Variants in CDK5RAP2 observed in about 807,000 individuals in gnomAD.
CDK5RAP2 encodes the protein CDK5 regulatory subunit-associated protein 2.
CDK5RAP2 carries 147 observed loss-of-function variants against 232.9 expected under a neutral mutation model. That is an observed-to-expected ratio of 0.63 (90% CI 0.55 to 0.72). The LOEUF (loss-of-function observed/expected upper bound fraction) is 0.72, where lower values mean the gene tolerates loss of function less well. CDK5RAP2 is among the 30% of genes least tolerant of loss of function. The pLI, the probability that CDK5RAP2 is intolerant of heterozygous loss-of-function variation, is 0.00. For synonymous variants in CDK5RAP2, 833 were observed against 833.7 expected, an observed-to-expected ratio of 1.00 and a Z score of 0.01; for missense variants, 2,195 against 2,231.5, an observed-to-expected ratio of 0.98 and a Z score of 0.33.
chr9:120,391,892 T>G (rs957481784), intron 36 of CDK5RAP2, among the ~76,000 whole-genome samples: 4 of 152,202 alleles, frequency 2.6e-5, no homozygotes, highest in African/African-American at 9.6e-5. Flanking sequence ...TGGGATGAGC[T>G]GCAGAGCCTG....
rs537972003 is a variant in CDK5RAP2 at position 120,403,313 on chromosome 9, C to T, written c.5042-242G>A. On this transcript the variant is annotated intron_variant, in intron 33 of 37. Coordinates refer to ENST00000349780, the MANE Select transcript of CDK5RAP2 (RefSeq NM_018249.6). The surrounding 1 kb of genome is among the most constrained non-coding windows in gnomAD (Gnocchi z 4.2). ...ACTCAACCAACACTTATCAACCACC[C>T]ACTCGGCAGAAGACCCCAGATTCAC... 1.9e-6 allele frequency: 1 copy of T among 523,988 alleles called. No homozygotes were observed. The highest frequency in any genetic ancestry group is 3.4e-5 in the East Asian group (1 of 29,034). 32.5% of individuals were successfully genotyped at this position (523,988 alleles called of 1,614,324 possible).
chr9:120,401,527 G>T lies in CDK5RAP2; in HGVS notation c.5308-642C>A, dbSNP rs77329173. 5.4e-3 allele frequency among the ~76,000 whole-genome samples: 779 copies of T among 145,184 alleles called. 12 individuals are homozygous for T. The highest frequency in any genetic ancestry group is 0.019 in the African/African-American group (748 of 39,144). ...CTCAGGAAGCTGGGATGGGAGGATT[G>T]CTTAAGTCCAGGAGGTCAAGGCTGC... On this transcript the variant is annotated intron_variant, in intron 34 of 37. Transcript: ENST00000349780.
chr9:120,396,915 C>G (rs780364003), intron 35 of CDK5RAP2, among the ~76,000 whole-genome samples: 2 of 152,230 alleles, frequency 1.3e-5, no homozygotes, highest in Non-Finnish European at 2.9e-5. Flanking sequence ...AGCTATATGA[C>G]GCTGAAGCAA....
chr9:120,520,633 ACT>A (rs2040575871), intron 11 of CDK5RAP2, among the ~76,000 whole-genome samples: 1 of 151,524 alleles, frequency 6.6e-6, no homozygotes, highest in East Asian at 2.1e-4. Context: ...ACAGAGCAAG[ACT>A]CTGTCTCAAA....
chr9:120,403,446 A>C lies in CDK5RAP2; in HGVS notation c.5042-375T>G. On this transcript the variant is annotated intron_variant, in intron 33 of 37. Transcript: ENST00000349780. This position sits in a 1 kb window ranked among gnomAD's most constrained non-coding sequence, Gnocchi z 4.2. ...AGTGATGAAGGGCCAGAGCCAGAAAAAACAATTATCTGTGCAGGGAGGGAG... is the reference window on the plus strand; with the variant it reads ...AGTGATGAAGGGCCAGAGCCAGAAACAACAATTATCTGTGCAGGGAGGGAG... 1 of 312,178 alleles carries C rather than the reference A, an allele frequency of 3.2e-6. No individual in the cohort carries two copies. Among genetic ancestry groups the C allele is most frequent in the Non-Finnish European group, 6.1e-6 (1 of 164,678 alleles). The allele number at this position is 312,178 out of a possible 1,614,324, so 19.3% of individuals were successfully genotyped here. A position where few individuals can be genotyped will look rare whatever the true frequency, so the allele number is the denominator to read the frequency against.
chr9:120,409,599 G>A (rs183647352), intron 29 of CDK5RAP2, among the ~76,000 whole-genome samples: 54 of 152,382 alleles, frequency 3.5e-4, no homozygotes, highest in African/African-American at 1.3e-3. Flanking sequence ...CAGTGGGTAG[G>A]AAGTACAGAG....
intron 21 of CDK5RAP2, 102 bp downstream of exon 21, chr9:120,453,354 T>A: frequency 9.1e-7 from 1 of 1,102,888 alleles, no homozygotes; most frequent in South Asian, 1.5e-5. Context: ...CACTGGACAT[T>A]CTTGTCATAT....
At chr9:120,518,225 G>C (rs924706850) in intron 12 of CDK5RAP2, among the ~76,000 whole-genome samples, 9 of 149,108 alleles carry the variant, frequency 6.0e-5, no homozygotes, top group East Asian at 3.9e-4. Context: ...GAGAGAGAGA[G>C]AGAGAGAGAG....
At chr9:120,460,720 T>C in intron 18 of CDK5RAP2, 53 bp from the exon 19 acceptor site, 1 of 1,611,154 alleles carries the variant, frequency 6.2e-7, no homozygotes, top group Non-Finnish European at 8.5e-7. Flanking sequence ...GTGTGCAGCA[T>C]GAATATGTAT....
At chr9:120,529,483 A>G (rs990907505) in intron 8 of CDK5RAP2, among the ~76,000 whole-genome samples, 3 of 152,198 alleles carry the variant, frequency 2.0e-5, no homozygotes, top group Non-Finnish European at 4.4e-5. Flanking sequence ...CAAGGAGACC[A>G]TGAGCTCTAC....
At chr9:120,576,098 CCA>C (rs1354572310) in intron 1 of CDK5RAP2, among the ~76,000 whole-genome samples, 2 of 152,210 alleles carry the variant, frequency 1.3e-5, no homozygotes, top group East Asian at 1.9e-4. Flanking sequence ...TACCAACGGG[CCA>C]CAGTCTGAAA....
rs369620857 is a variant in CDK5RAP2 at position 120,409,178 on chromosome 9, T to C, written c.4553A>G (p.His1518Arg). Residue 1518 changes from histidine to arginine, a missense_variant, in exon 30 of 38, where the codon CAC becomes CGC. Coordinates refer to ENST00000349780, the MANE Select transcript of CDK5RAP2 (RefSeq NM_018249.6). ...GACCTCCTGGATCAGCTGCTGGTTG[T>C]GTCTCTCCTTCTCGCTGCCTTCTTT... ...LQKEGSEKER[H>R]NQQLIQEVRC... is the part of the protein sequence containing the mutation. 1.9e-6 allele frequency: 3 copies of C among 1,613,466 alleles called. No individual in the cohort carries two copies. Among genetic ancestry groups the C allele is most frequent in the Non-Finnish European group, 2.5e-6 (3 of 1,180,044 alleles).
Position 120,453,371 on chromosome 9 carries a change from GA to G in CDK5RAP2, c.2793+84del. Reference sequence around the variant, plus strand: ...CTGGACATTCTTGTCATATAAATGGGAAAAAAGTGGTGAGATTAAAGGTGAT... The same window carrying G: ...CTGGACATTCTTGTCATATAAATGGGAAAAAGTGGTGAGATTAAAGGTGAT... On this transcript the variant is annotated intron_variant, in intron 21 of 37. Transcript: ENST00000349780. 1.3e-5 allele frequency: 17 copies of G among 1,281,016 alleles called. No individual in the cohort carries two copies. In the East Asian group the frequency reaches 1.6e-4, roughly 12 times the overall value. The allele number at this position is 1,281,016 out of a possible 1,614,324, so 79.4% of individuals were successfully genotyped here. A position where few individuals can be genotyped will look rare whatever the true frequency, so the allele number is the denominator to read the frequency against.
intron 5 of CDK5RAP2, among the ~76,000 whole-genome samples, chr9:120,543,528 G>A (rs942211744): frequency 1.3e-5 from 2 of 151,994 alleles, no homozygotes; most frequent in African/African-American, 4.8e-5. Context: ...TCTCCTCAGG[G>A]ACACTTTCCC....
intron 25 of CDK5RAP2, among the ~76,000 whole-genome samples, chr9:120,428,886 G>C (rs1461593654): frequency 6.6e-6 from 1 of 152,176 alleles, no homozygotes; most frequent in African/African-American, 2.4e-5. Context: ...GAATCCAGCA[G>C]CACATCAAAA....
In CDK5RAP2 at chr9:120,407,259, G is replaced by A. The variant is rs1385515490; in HGVS notation, c.4727-11C>T. ...CTTCTCCCGACGCCTCTGAGGACATGTGCAAAGAGAAGCCCTGACATCTTC... is the reference window on the plus strand; with the variant it reads ...CTTCTCCCGACGCCTCTGAGGACATATGCAAAGAGAAGCCCTGACATCTTC... On this transcript the variant is annotated splice_polypyrimidine_tract_variant and intron_variant, in intron 31 of 37. Transcript: ENST00000349780. The A allele has an allele frequency of 3.1e-6, 5 of 1,598,996 alleles. No individual in the cohort carries two copies. The highest frequency in any genetic ancestry group is 4.3e-6 in the Non-Finnish European group (5 of 1,169,360).
At chr9:120,429,923 T>C (rs540335653) in intron 25 of CDK5RAP2, among the ~76,000 whole-genome samples, 4 of 152,126 alleles carry the variant, frequency 2.6e-5, no homozygotes, top group East Asian at 3.9e-4. Context: ...TACAGATCAA[T>C]GGGAACAGAA....
chr9:120,412,425 G>A (rs1175632770), intron 28 of CDK5RAP2, among the ~76,000 whole-genome samples: 2 of 152,166 alleles, frequency 1.3e-5, no homozygotes, highest in Non-Finnish European at 2.9e-5. Context: ...TGCCACCTCT[G>A]GCCAATTGGG....
At chr9:120,448,232 G>C in intron 21 of CDK5RAP2, 106 bp from the exon 22 acceptor site, 1 of 950,166 alleles carries the variant, frequency 1.1e-6, no homozygotes, top group South Asian at 1.4e-5. Flanking sequence ...CGAACTGGCT[G>C]CCCAGACTTC....
Sources: allele counts gnomAD v4.1 joint callset (sites outside exome capture counted in the v4.1 genomes callset), GRCh38; gene constraint gnomAD v4.1.1; non-coding constraint Gnocchi (gnomAD v3.1); transcripts MANE v1.5; gene names NCBI Gene and HGNC (gene_info 2026-07-23, HGNC 2026-07-21).